C1QTNF2: variants seen among roughly 807,000 people sequenced by gnomAD.
The protein encoded by C1QTNF2 is C1q and TNF related 2, also known as complement C1q tumor necrosis factor-related protein 2.
Under a neutral mutation model 17.4 loss-of-function variants are expected in C1QTNF2, and 15 were observed. The observed-to-expected ratio is 0.86, with a 90% CI of 0.58 to 1.33. C1QTNF2 has a LOEUF of 1.33. Among genes scored for constraint, C1QTNF2 ranks in the 40% most tolerant of loss-of-function variants. The pLI is 0.00. For missense variants in C1QTNF2, 381 were observed against 392.3 expected, an observed-to-expected ratio of 0.97 and a Z score of 0.24; for synonymous variants, 154 against 163.3, an observed-to-expected ratio of 0.94 and a Z score of 0.44.
In C1QTNF2 at chr5:160,349,701, C is replaced by T. The variant is rs758990215; in HGVS notation, c.325G>A (p.Gly109Ser). ...AGAIGRAGPR[G>S]PKGVNGTPGK... ...GGGGTACCGTTGACCCCCTTGGGGC[C>T]ACGGGGGCCAGCCCGCCCAATGGCC... is the stretch of plus-strand genomic sequence containing the variant. The change falls in exon 3 of 3, where the codon GGC becomes AGC. Residue 109 changes from glycine to serine, a missense_variant. By Grantham distance (56) the Gly-to-Ser change is moderately conservative (BLOSUM62 0). Transcript: ENST00000652664. This position sits in a 1 kb window ranked among gnomAD's most constrained non-coding sequence, Gnocchi z 4.3. 7 of 1,596,028 alleles carry T rather than the reference C, an allele frequency of 4.4e-6. No individual in the cohort carries two copies. The highest frequency in any genetic ancestry group is 1.3e-5 in the African/African-American group (1 of 74,200).
In C1QTNF2 at chr5:160,370,573, G is replaced by A. The variant is rs781670555; in HGVS notation, c.-71C>T. On this transcript the variant is annotated 5_prime_UTR_variant, in exon 1 of 3. Transcript: ENST00000652664. ...GCAAAGAAGCTCTCGGCGGGGCTCCGCGTCCCGGCTTTCCTCAGCGGCAGC... is the reference window on the plus strand; with the variant it reads ...GCAAAGAAGCTCTCGGCGGGGCTCCACGTCCCGGCTTTCCTCAGCGGCAGC... The A allele has an allele frequency of 6.9e-6, 10 of 1,445,452 alleles. No individual in the cohort carries two copies. The highest frequency in any genetic ancestry group is 5.7e-5 in the Admixed American group (2 of 34,996). The allele number at this position is 1,445,452 out of a possible 1,614,324, so 89.5% of individuals were successfully genotyped here.
intron 1 of C1QTNF2, among the ~76,000 whole-genome samples, chr5:160,366,849 C>A (rs567708828): frequency 0.08 from 12,173 of 151,712 alleles, 597 homozygotes; most frequent in Middle Eastern, 0.24. Context: ...TATGGCAAAA[C>A]CTCATCTCTA....
intron 1 of C1QTNF2, among the ~76,000 whole-genome samples, chr5:160,359,046 G>C (rs1001363074): frequency 5.3e-5 from 8 of 152,182 alleles, no homozygotes; most frequent in African/African-American, 1.7e-4. Context: ...AAAGTGCTGA[G>C]ATTACAGGCG....
chr5:160,364,762 C>G (rs1764216636), intron 1 of C1QTNF2, among the ~76,000 whole-genome samples: 1 of 152,098 alleles, frequency 6.6e-6, no homozygotes, highest in African/African-American at 2.4e-5. Context: ...TGTTTCTGCT[C>G]TGAGGGAAGG....
At chr5:160,355,819 T>A (rs961053318) in intron 1 of C1QTNF2, among the ~76,000 whole-genome samples, 45 of 150,082 alleles carry the variant, frequency 3.0e-4, no homozygotes, top group African/African-American at 8.0e-4. Flanking sequence ...GATTTTTTTT[T>A]AAGCTCATCA....
intron 2 of C1QTNF2, among the ~76,000 whole-genome samples, chr5:160,353,536 A>C (rs957384308): frequency 6.6e-6 from 1 of 151,982 alleles, no homozygotes; most frequent in East Asian, 1.9e-4. Flanking sequence ...CTGCCCTGCA[A>C]ATGGAGGCAC....
In C1QTNF2 at chr5:160,355,672, A is replaced by G. The variant is rs145748524; in HGVS notation, c.-9-652T>C. Among the ~76,000 whole-genome samples the G allele has an allele frequency of 3.8e-3, 586 of 152,378 alleles. 10 individuals are homozygous for G. The highest frequency in any genetic ancestry group is 0.013 in the African/African-American group (553 of 41,594). ...GATACAGGAGAAGAAGCGGAGGCTC[A>G]GAGAAGTTGAGCAATGTGTCTACAT... On this transcript the variant is annotated intron_variant, in intron 1 of 2. Transcript: ENST00000652664.
intron 2 of C1QTNF2, among the ~76,000 whole-genome samples, chr5:160,350,176 G>T (rs979183332): frequency 3.3e-5 from 5 of 152,158 alleles, no homozygotes; most frequent in Admixed American, 1.3e-4. Flanking sequence ...CCTGCCTAGT[G>T]CATATAAGCC....
At chr5:160,368,636 AG>A (rs1764291057) in intron 1 of C1QTNF2, among the ~76,000 whole-genome samples, 1 of 152,298 alleles carries the variant, frequency 6.6e-6, no homozygotes, top group South Asian at 2.1e-4. Flanking sequence ...TAAGGTTGGC[AG>A]GCCTTTGACC....
chr5:160,349,901 G>A lies in C1QTNF2; in HGVS notation c.245-120C>T, dbSNP rs1763884350. On this transcript the variant is annotated intron_variant, in intron 2 of 2. Transcript: ENST00000652664. This position sits in a 1 kb window ranked among gnomAD's most constrained non-coding sequence, Gnocchi z 4.3. The stretch of plus-strand genomic sequence containing the variant: ...GCTTGGGTAATAGAAAGAACAAGAA[G>A]GCTTTGCAGACATATAGAAGTGGGT... The A allele has an allele frequency of 8.3e-7, 1 of 1,204,456 alleles. No homozygotes were observed. The highest frequency in any genetic ancestry group is 3.2e-5 in the Admixed American group (1 of 31,330). The allele number at this position is 1,204,456 out of a possible 1,614,324, so 74.6% of individuals were successfully genotyped here. A position where few individuals can be genotyped will look rare whatever the true frequency, so the allele number is the denominator to read the frequency against.
At position 160,354,899 on chromosome 5, in the gene C1QTNF2, A is replaced by G; in HGVS notation, c.113T>C (p.Leu38Pro). 1 of 1,603,964 alleles carries G rather than the reference A, an allele frequency of 6.2e-7. No homozygotes were observed. The highest frequency in any genetic ancestry group is 1.1e-5 in the South Asian group (1 of 89,284). Residue 38 changes from leucine (L) to proline (P), a missense_variant, in exon 2 of 3, where the codon CTG (leucine) becomes CCG (proline). Physicochemically the swap from Leu to Pro is moderately conservative, Grantham distance 98. Transcript: ENST00000652664. ...GCCGGGTGGGCCCTGGGGGCCAGGCAGGCTGCAGACCAGTTGAGGGGAGCC... is the reference window on the plus strand; with the variant it reads ...GCCGGGTGGGCCCTGGGGGCCAGGCGGGCTGCAGACCAGTTGAGGGGAGCC... Reference protein sequence around the residue: ...RKGSPQLVCSLPGPQGPPGPP... With the variant: ...RKGSPQLVCSPPGPQGPPGPP...
intron 2 of C1QTNF2, among the ~76,000 whole-genome samples, chr5:160,350,341 C>G (rs559883038): frequency 6.6e-6 from 1 of 152,152 alleles, no homozygotes; most frequent in Admixed American, 6.6e-5. Context: ...AGTAGAGTTA[C>G]GTGTGCTCTA....
Position 160,349,044 on chromosome 5 carries a change from G to C in C1QTNF2, c.*124C>G. ...ATGAAGGGGAAAAAAAGAGGCAGAG[G>C]AGGTGAGCCTGAGGCTAGAACCGCT... On this transcript the variant is annotated 3_prime_UTR_variant, in exon 3 of 3. Coordinates refer to ENST00000652664, the MANE Select transcript of C1QTNF2 (RefSeq NM_031908.6). The surrounding 1 kb of genome is among the most constrained non-coding windows in gnomAD (Gnocchi z 4.3). The C allele has an allele frequency of 8.6e-7, 1 of 1,162,566 alleles. No individual in the cohort carries two copies. Among genetic ancestry groups the C allele is most frequent in the Middle Eastern group, 3.0e-4 (1 of 3,332 alleles). 72.0% of individuals were successfully genotyped at this position (1,162,566 alleles called of 1,614,324 possible). A position where few individuals can be genotyped will look rare whatever the true frequency, so the allele number is the denominator to read the frequency against.
chr5:160,368,081 C>T (rs897015725), intron 1 of C1QTNF2, among the ~76,000 whole-genome samples: 4 of 152,174 alleles, frequency 2.6e-5, no homozygotes, highest in African/African-American at 9.7e-5. Context: ...GTTCCTCCAC[C>T]ATGGCCCCTC....
At chr5:160,368,321 C>T (rs1764283423) in intron 1 of C1QTNF2, among the ~76,000 whole-genome samples, 1 of 152,044 alleles carries the variant, frequency 6.6e-6, no homozygotes, top group Non-Finnish European at 1.5e-5. Context: ...ATCACAAGAT[C>T]AGGAGTTTGA....
chr5:160,353,977 G>T (rs1763977964), intron 2 of C1QTNF2, among the ~76,000 whole-genome samples: 1 of 151,552 alleles, frequency 6.6e-6, no homozygotes, highest in Non-Finnish European at 1.5e-5. Context: ...CTAATTTTTT[G>T]TATTTTTAGT....
At chr5:160,365,269 C>T (rs1764226435) in intron 1 of C1QTNF2, among the ~76,000 whole-genome samples, 1 of 152,152 alleles carries the variant, frequency 6.6e-6, no homozygotes, top group South Asian at 2.1e-4. Flanking sequence ...ACTTGAAGAT[C>T]TAAGAACTGA....
At chr5:160,352,247 T>G (rs765218269) in intron 2 of C1QTNF2, among the ~76,000 whole-genome samples, 10 of 152,130 alleles carry the variant, frequency 6.6e-5, no homozygotes, top group Non-Finnish European at 1.2e-4. Flanking sequence ...GGGAGACAAA[T>G]AGATAAAAAA....
chr5:160,354,669 A>C, intron 2 of C1QTNF2, 99 bp downstream of exon 2: 1 of 1,118,582 alleles, frequency 8.9e-7, no homozygotes, highest in Middle Eastern at 3.0e-4. Flanking sequence ...ATTTATAATG[A>C]AGAGGATTAA....
Sources: allele counts gnomAD v4.1 joint callset (sites outside exome capture counted in the v4.1 genomes callset), GRCh38; gene constraint gnomAD v4.1.1; non-coding constraint Gnocchi (gnomAD v3.1); transcripts MANE v1.5; gene names NCBI Gene and HGNC (gene_info 2026-07-23, HGNC 2026-07-21).